The following ATP8A2 variants were observed in gnomAD, a reference collection of about 807,000 sequenced individuals.
ATP8A2 encodes phospholipid-transporting ATPase IB.
In ATP8A2, 100 loss-of-function variants were observed where a neutral mutation model predicts 165.6. That is an observed-to-expected ratio of 0.60 (90% CI 0.51 to 0.71). The LOEUF (loss-of-function observed/expected upper bound fraction) is 0.71, where lower values mean the gene tolerates loss of function less well. Among genes scored for constraint, ATP8A2 ranks in the 30% least tolerant of loss-of-function variants. The pLI, the probability that ATP8A2 is intolerant of heterozygous loss-of-function variation, is 0.00. For synonymous variants in ATP8A2, 543 were observed against 548.8 expected (o/e 0.99, Z 0.15); for missense variants, 1,227 against 1,479.5 (o/e 0.83, Z 2.80).
At chr13:25,957,490 G>A (rs145777164) in intron 33 of ATP8A2, among the ~76,000 whole-genome samples, 1,653 of 152,234 alleles carry the variant, frequency 0.011, 35 homozygotes, top group African/African-American at 0.037. Flanking sequence ...ACATTTATGC[G>A]GCCAACAAAC....
chr13:25,877,852 A>AAT (rs1450115205), intron 33 of ATP8A2, among the ~76,000 whole-genome samples: 1 of 152,218 alleles, frequency 6.6e-6, no homozygotes, highest in Non-Finnish European at 1.5e-5. Context: ...ATTAAGGACA[A>AAT]TACTTAGTGC....
intron 17 of ATP8A2, 32 bp from the exon 18 acceptor site, chr13:25,571,578 A>G (rs2039468951): frequency 6.6e-7 from 1 of 1,526,288 alleles, no homozygotes; most frequent in Non-Finnish European, 9.1e-7. Context: ...TACCAGTGAT[A>G]TGTCAATGTT....
At chr13:25,686,785 T>C (rs1458175725) in intron 24 of ATP8A2, among the ~76,000 whole-genome samples, 1 of 152,142 alleles carries the variant, frequency 6.6e-6, no homozygotes, top group Admixed American at 6.5e-5. Context: ...TCAGTCTTCT[T>C]GACTGCGGCT....
At chr13:25,470,413 CA>C (rs1285337897) in intron 2 of ATP8A2, among the ~76,000 whole-genome samples, 3 of 152,106 alleles carry the variant, frequency 2.0e-5, no homozygotes, top group Non-Finnish European at 2.9e-5. Context: ...TGGCTCCAAT[CA>C]AAAAGACAAA....
intron 16 of ATP8A2, among the ~76,000 whole-genome samples, chr13:25,566,125 C>T (rs2039306270): frequency 6.6e-6 from 1 of 152,004 alleles, no homozygotes; most frequent in African/African-American, 2.4e-5. Context: ...CCATTTGTTG[C>T]TAGCTCTTCT....
intron 30 of ATP8A2, among the ~76,000 whole-genome samples, chr13:25,846,387 T>TA (rs892744855): frequency 1.8e-4 from 28 of 152,092 alleles, no homozygotes; most frequent in African/African-American, 6.5e-4. Context: ...GGCTGAGCTT[T>TA]AAGGACTGCT....
At chr13:25,767,611 T>C (rs2138280317) in intron 25 of ATP8A2, among the ~76,000 whole-genome samples, 1 of 152,318 alleles carries the variant, frequency 6.6e-6, no homozygotes, top group East Asian at 1.9e-4. Flanking sequence ...TTAAGTATGC[T>C]CAGTAACAAC....
intron 9 of ATP8A2, among the ~76,000 whole-genome samples, chr13:25,542,729 T>C (rs2038522139): frequency 6.6e-6 from 1 of 152,152 alleles, no homozygotes; most frequent in Non-Finnish European, 1.5e-5. Context: ...ATATGACAAC[T>C]AAGTGTGACT....
At chr13:25,951,646 C>T (rs931059443) in intron 33 of ATP8A2, among the ~76,000 whole-genome samples, 1 of 152,120 alleles carries the variant, frequency 6.6e-6, no homozygotes, top group African/African-American at 2.4e-5. Flanking sequence ...GAAGCATTGC[C>T]TCATCTTCCT....
chr13:25,588,813 G>T (rs1202058693), intron 23 of ATP8A2, among the ~76,000 whole-genome samples: 1 of 152,180 alleles, frequency 6.6e-6, no homozygotes, highest in Non-Finnish European at 1.5e-5. Flanking sequence ...TGATCTGAGA[G>T]ACAGGCCAGT....
chr13:25,578,887 T>A lies in ATP8A2; in HGVS notation c.1855T>A (p.Phe619Ile). 6.2e-7 allele frequency: 1 copy of A among 1,609,520 alleles called. No homozygotes were observed. The highest frequency in any genetic ancestry group is 8.5e-7 in the Non-Finnish European group (1 of 1,175,912). The change falls in exon 21 of 37, where the codon TTT (phenylalanine) becomes ATT (isoleucine). Residue 619 changes from phenylalanine (F) to isoleucine (I), a missense_variant. By Grantham distance (21) the Phe-to-Ile change is conservative. Around this residue, in one of 5 missense-constraint regions of ATP8A2, gnomAD observed 592 missense variants for 785.6 expected, o/e 0.75. Transcript: ENST00000381655. The part of the protein sequence containing the change: ...MEETLCHLEY[F>I]ATEGLRTLCV... Reference sequence around the variant, plus strand: ...GGAAACATTATGCCATCTGGAATACTTTGCCACGGAAGGTAAGTGGAATTT... The same window carrying A: ...GGAAACATTATGCCATCTGGAATACATTGCCACGGAAGGTAAGTGGAATTT...
intron 33 of ATP8A2, among the ~76,000 whole-genome samples, chr13:25,904,914 C>A (rs1042374381): frequency 1.3e-5 from 2 of 152,146 alleles, no homozygotes; most frequent in African/African-American, 4.8e-5. Context: ...GTTTAGTGTG[C>A]CAAAACAAAA....
intron 24 of ATP8A2, among the ~76,000 whole-genome samples, chr13:25,606,911 A>G (rs2040531317): frequency 6.6e-6 from 1 of 151,536 alleles, no homozygotes; most frequent in Non-Finnish European, 1.5e-5. Context: ...AGTGTAGATA[A>G]TTTTCAAGGG....
chr13:25,621,518 C>CT (rs1379648357), intron 24 of ATP8A2, among the ~76,000 whole-genome samples: 21 of 152,100 alleles, frequency 1.4e-4, no homozygotes, highest in East Asian at 3.9e-4. Context: ...TCTGCAGAGA[C>CT]TTTTTTTATC....
chr13:25,801,696 T>C (rs1382775692), intron 27 of ATP8A2, among the ~76,000 whole-genome samples: 2 of 152,176 alleles, frequency 1.3e-5, no homozygotes, highest in Non-Finnish European at 2.9e-5. Flanking sequence ...TATTTAAATA[T>C]TAAAAATATG....
chr13:25,855,751 AG>A (rs1952146498), intron 30 of ATP8A2, among the ~76,000 whole-genome samples: 1 of 152,196 alleles, frequency 6.6e-6, no homozygotes, highest in Non-Finnish European at 1.5e-5. Context: ...ACAGTTTTCC[AG>A]GGTTTGCACC....
chr13:25,736,244 T>C (rs1251323320), intron 25 of ATP8A2, among the ~76,000 whole-genome samples: 1 of 152,172 alleles, frequency 6.6e-6, no homozygotes, highest in Non-Finnish European at 1.5e-5. Flanking sequence ...CGTGACTACA[T>C]TCCAAGGGTG....
intron 33 of ATP8A2, among the ~76,000 whole-genome samples, chr13:25,872,429 A>C (rs2138813581): frequency 6.6e-6 from 1 of 152,298 alleles, no homozygotes; most frequent in East Asian, 1.9e-4. Context: ...CTGAAGCTAG[A>C]GCCATCTCTG....
chr13:25,618,294 G>A (rs1017709424), intron 24 of ATP8A2, among the ~76,000 whole-genome samples: 2 of 152,126 alleles, frequency 1.3e-5, no homozygotes, highest in African/African-American at 4.8e-5. Flanking sequence ...ACGAGGGAGG[G>A]TCTGAGTAGG....
Sources: gnomAD v4.1 joint callset for allele counts (sites outside exome capture counted in the v4.1 genomes callset) on GRCh38, gnomAD v4.1.1 for gene constraint, gnomAD v4.1.1 regional missense constraint, MANE v1.5 for transcripts, NCBI Gene and HGNC (gene_info 2026-07-23, HGNC 2026-07-21) for gene names.